The following ELMO1 variants were observed in gnomAD, a reference collection of about 807,000 sequenced individuals.
ELMO1 encodes engulfment and cell motility 1.
In ELMO1, 26 loss-of-function variants were observed where a neutral mutation model predicts 98.9. That is an observed-to-expected ratio of 0.26 (90% confidence interval 0.19 to 0.36). The LOEUF is 0.36. Among genes scored for constraint, ELMO1 ranks in the 10% least tolerant of loss-of-function variants. ELMO1 has a pLI of 1.00. For synonymous variants in ELMO1, 346 were observed against 346.0 expected (o/e 1.00, Z 0.00); for missense variants, 627 against 935.2 (o/e 0.67, Z 4.30).
At chr7:36,971,244 A>G (rs1314530891) in intron 16 of ELMO1, among the ~76,000 whole-genome samples, 1 of 152,244 alleles carries the variant, frequency 6.6e-6, no homozygotes, top group Non-Finnish European at 1.5e-5. Flanking sequence ...TGAGGCATGA[A>G]CTGTTCAAGG....
intron 4 of ELMO1, among the ~76,000 whole-genome samples, chr7:37,305,446 G>GTGTGTGTA (rs199532571): frequency 0.33 from 4,280 of 12,844 alleles, 88 homozygotes; most frequent in East Asian, 0.5. Context: ...AGTACAGATA[G>GTGTGTGTA]TGTGTGTGTG....
chr7:37,418,272 C>G (rs77317256), intron 1 of ELMO1, among the ~76,000 whole-genome samples: 1,566 of 152,282 alleles, frequency 0.01, 16 homozygotes, highest in Non-Finnish European at 0.016. Context: ...ACATTTTGAA[C>G]TGTCTTTAAC....
intron 15 of ELMO1, among the ~76,000 whole-genome samples, chr7:37,039,718 C>A (rs993942740): frequency 6.6e-6 from 1 of 152,302 alleles, no homozygotes; most frequent in African/African-American, 2.4e-5. Flanking sequence ...TGTCTAATTC[C>A]TCTTCCTAGC....
At chr7:37,305,143 T>C (rs1798545453) in intron 4 of ELMO1, among the ~76,000 whole-genome samples, 1 of 152,202 alleles carries the variant, frequency 6.6e-6, no homozygotes, top group African/African-American at 2.4e-5. Context: ...GAACTGAAGA[T>C]GGTGAGTCAT....
chr7:37,090,786 G>A (rs187233896), intron 15 of ELMO1, among the ~76,000 whole-genome samples: 2 of 152,276 alleles, frequency 1.3e-5, no homozygotes, highest in East Asian at 3.9e-4. Flanking sequence ...AGATATGAAT[G>A]TGACTCAAAT....
chr7:36,897,594 T>C (rs1329942496), intron 16 of ELMO1, among the ~76,000 whole-genome samples: 1 of 152,068 alleles, frequency 6.6e-6, no homozygotes, highest in Non-Finnish European at 1.5e-5. Context: ...TGGATGGAAA[T>C]AGCAAAGTTA....
intron 16 of ELMO1, among the ~76,000 whole-genome samples, chr7:36,940,947 G>T (rs537372421): frequency 6.6e-6 from 1 of 152,190 alleles, no homozygotes; most frequent in Admixed American, 6.5e-5. Flanking sequence ...TGTGATAACT[G>T]GTCTGGAGAA....
intron 13 of ELMO1, among the ~76,000 whole-genome samples, chr7:37,192,828 A>G (rs1584789207): frequency 6.8e-6 from 1 of 146,476 alleles, no homozygotes; most frequent in Admixed American, 6.9e-5. Flanking sequence ...GTGTGTGTGT[A>G]TATATGTATA....
At chr7:36,939,328 TA>T in intron 16 of ELMO1, among the ~76,000 whole-genome samples, 1 of 100,524 alleles carries the variant, frequency 9.9e-6, no homozygotes, top group Non-Finnish European at 1.9e-5. Flanking sequence ...GGGGCTCAAG[TA>T]CTCATAGAAG....
Position 37,097,415 on chromosome 7 carries a change from T to C in ELMO1, c.1192-688A>G, listed in dbSNP as rs114401434. Among the ~76,000 whole-genome samples, 783 of 152,230 alleles carry C rather than the reference T, an allele frequency of 5.1e-3. 6 individuals carry two copies. Among genetic ancestry groups the C allele is most frequent in the African/African-American group, 0.017 (706 of 41,544 alleles). ...TCTCTACTAAAATTACTACTCTCTC[T>C]ACTAAAAATAAAAACAAAATTATCT... On this transcript the variant is annotated intron_variant, in intron 14 of 21. Coordinates refer to ENST00000310758, the MANE Select transcript of ELMO1 (RefSeq NM_014800.11).
intron 15 of ELMO1, among the ~76,000 whole-genome samples, chr7:37,035,547 G>A (rs1795129515): frequency 6.6e-6 from 1 of 152,248 alleles, no homozygotes. Context: ...TCCTTATGCT[G>A]GATTAATCTA....
chr7:37,447,177 G>A (rs1198828182), intron 1 of ELMO1, among the ~76,000 whole-genome samples: 3 of 152,156 alleles, frequency 2.0e-5, no homozygotes, highest in African/African-American at 7.2e-5. Flanking sequence ...ATGTCCCAAA[G>A]TTGCTCGCAG....
chr7:36,972,726 G>C (rs1443456495), intron 16 of ELMO1, among the ~76,000 whole-genome samples: 1 of 152,128 alleles, frequency 6.6e-6, no homozygotes, highest in Non-Finnish European at 1.5e-5. Flanking sequence ...CTCCAAATAA[G>C]GGAACTTTCG....
chr7:37,297,624 C>G (rs1354141325), intron 4 of ELMO1, among the ~76,000 whole-genome samples: 1 of 129,298 alleles, frequency 7.7e-6, no homozygotes, highest in African/African-American at 3.0e-5. Context: ...AAAAAAAAGA[C>G]AGAGAGAGGA....
At chr7:37,417,018 G>A (rs1804243668) in intron 1 of ELMO1, among the ~76,000 whole-genome samples, 1 of 152,112 alleles carries the variant, frequency 6.6e-6, no homozygotes, top group Non-Finnish European at 1.5e-5. Flanking sequence ...AACCCCTACT[G>A]AGCACTTTCT....
chr7:37,173,520 GCA>G (rs1790310231), intron 13 of ELMO1, among the ~76,000 whole-genome samples: 1 of 152,028 alleles, frequency 6.6e-6, no homozygotes, highest in Non-Finnish European at 1.5e-5. Context: ...CATTGCAAAA[GCA>G]CAGATAGCTC....
intron 15 of ELMO1, among the ~76,000 whole-genome samples, chr7:37,086,743 C>CAAAAAA (rs755237121): frequency 1.6e-3 from 76 of 48,788 alleles, no homozygotes; most frequent in African/African-American, 5.2e-3. Flanking sequence ...ATCCTGTCTC[C>CAAAAAA]AAAAAAAAAA....
intron 1 of ELMO1, among the ~76,000 whole-genome samples, chr7:37,401,236 G>A (rs1803513533): frequency 6.6e-6 from 1 of 152,050 alleles, no homozygotes; most frequent in African/African-American, 2.4e-5. Context: ...TGAAAGTGAT[G>A]GAATAATTCA....
intron 4 of ELMO1, among the ~76,000 whole-genome samples, chr7:37,286,922 C>T (rs1036829132): frequency 1.3e-5 from 2 of 152,162 alleles, no homozygotes; most frequent in African/African-American, 2.4e-5. Flanking sequence ...AGGCTGGGCA[C>T]AGTGGCTCAT....
Sources: gnomAD v4.1 joint callset for allele counts (sites outside exome capture counted in the v4.1 genomes callset) on GRCh38, gnomAD v4.1.1 for gene constraint, MANE v1.5 for transcripts, NCBI Gene and HGNC (gene_info 2026-07-23, HGNC 2026-07-21) for gene names.